SAV1: variants seen among roughly 807,000 people sequenced by gnomAD.
The protein encoded by SAV1 is protein salvador homolog 1.
In SAV1, 23 loss-of-function variants were observed where a neutral mutation model predicts 47.3. That is an observed-to-expected ratio of 0.49 (90% confidence interval 0.35 to 0.69). The LOEUF (loss-of-function observed/expected upper bound fraction) is 0.69, where lower values mean the gene tolerates loss of function less well. Among genes scored for constraint, SAV1 ranks in the 30% least tolerant of loss-of-function variants. The pLI is 0.01. For synonymous variants in SAV1, 155 were observed against 159.2 expected, an observed-to-expected ratio of 0.97 and a Z score of 0.20; for missense variants, 448 against 457.4, an observed-to-expected ratio of 0.98 and a Z score of 0.19.
chr14:50,644,787 G>A lies in SAV1; in HGVS notation c.763C>T (p.His255Tyr), dbSNP rs2039707130. The A allele has an allele frequency of 6.2e-7, 1 of 1,614,138 alleles. No homozygotes were observed. The highest frequency in any genetic ancestry group is 8.5e-7 in the Non-Finnish European group (1 of 1,179,996). ...CTGTATTGGGCCTTCTTATTTGTGT[G>A]ATCTACATAATAGGTTCCAAATTCG... ...SSEFGTYYVD[H>Y]TNKKAQYRHP... The change falls in exon 3 of 5, where the codon CAC becomes TAC. Residue 255 changes from histidine (H) to tyrosine (Y), a missense_variant. Physicochemically the swap from His to Tyr is moderately conservative, Grantham distance 83 (BLOSUM62 2). Coordinates refer to ENST00000324679, the MANE Select transcript of SAV1 (RefSeq NM_021818.4).
intron 2 of SAV1, among the ~76,000 whole-genome samples, chr14:50,655,659 T>G (rs2039806113): frequency 6.6e-6 from 1 of 151,744 alleles, no homozygotes; most frequent in Non-Finnish European, 1.5e-5. Flanking sequence ...CTCCTGACCT[T>G]AGGTGATCCA....
chr14:50,641,220 G>A (rs988992252), intron 3 of SAV1, among the ~76,000 whole-genome samples: 7 of 152,178 alleles, frequency 4.6e-5, no homozygotes, highest in South Asian at 2.1e-4. Context: ...AAGAAAGGAT[G>A]TTTCCTTCCT....
At chr14:50,660,965 T>TA (rs1386438232) in intron 2 of SAV1, among the ~76,000 whole-genome samples, 11 of 152,266 alleles carry the variant, frequency 7.2e-5, no homozygotes, top group Admixed American at 7.2e-4. Context: ...TTCCTTTAGA[T>TA]AGATACCCAG....
intron 2 of SAV1, among the ~76,000 whole-genome samples, chr14:50,654,685 C>T (rs754511493): frequency 1.3e-5 from 2 of 152,124 alleles, no homozygotes; most frequent in Non-Finnish European, 2.9e-5. Context: ...CACAATAGAG[C>T]AAAGCACAAT....
chr14:50,635,434 G>T, intron 4 of SAV1, 50 bp from the exon 5 acceptor site: 5 of 1,387,866 alleles, frequency 3.6e-6, no homozygotes, highest in Non-Finnish European at 5.1e-6. Context: ...ACATAAACAT[G>T]TATTTCTAGC....
chr14:50,644,633 CT>C (rs2039705460), intron 3 of SAV1, 110 bp downstream of exon 3: 2 of 1,010,518 alleles, frequency 2.0e-6, no homozygotes, highest in Admixed American at 2.6e-5. Flanking sequence ...AAATATAAGG[CT>C]TTCAAATCTC....
At chr14:50,655,675 C>T (rs1474035265) in intron 2 of SAV1, among the ~76,000 whole-genome samples, 1 of 151,584 alleles carries the variant, frequency 6.6e-6, no homozygotes, top group Non-Finnish European at 1.5e-5. Flanking sequence ...ATCCATCTGT[C>T]TTGGCCTCCC....
intron 2 of SAV1, among the ~76,000 whole-genome samples, chr14:50,663,422 A>C (rs192662091): frequency 5.3e-5 from 8 of 152,358 alleles, no homozygotes; most frequent in Admixed American, 2.0e-4. Flanking sequence ...GCATATCAGA[A>C]ATAACCAAAA....
At chr14:50,656,953 A>T (rs959731221) in intron 2 of SAV1, among the ~76,000 whole-genome samples, 3 of 152,098 alleles carry the variant, frequency 2.0e-5, no homozygotes, top group Non-Finnish European at 4.4e-5. Context: ...GTATGAGTTC[A>T]GCCAGAAAGC....
chr14:50,641,763 G>A (rs1324819704), intron 3 of SAV1, among the ~76,000 whole-genome samples: 1 of 152,136 alleles, frequency 6.6e-6, no homozygotes, highest in Non-Finnish European at 1.5e-5. Context: ...ACTGCTGGTG[G>A]GAACATAAAT....
rs2039623066 is a variant in SAV1, at chr14:50,635,094, CATTT to C, written c.*85_*88del. On this transcript the variant is annotated 3_prime_UTR_variant, in exon 5 of 5. Coordinates refer to ENST00000324679, the MANE Select transcript of SAV1 (RefSeq NM_021818.4). ...TTTATAATTTCCACAAAGGAAGCAGCATTTATTAACCAGAGTACTTGTTTGCAAT... is the reference window on the plus strand; with the variant it reads ...TTTATAATTTCCACAAAGGAAGCAGCATTAACCAGAGTACTTGTTTGCAAT... 1.2e-6 allele frequency: 1 copy of C among 834,154 alleles called. No homozygotes were observed. Among genetic ancestry groups the C allele is most frequent in the Non-Finnish European group, 1.9e-6 (1 of 521,526 alleles). 51.7% of individuals were successfully genotyped at this position (834,154 alleles called of 1,614,324 possible).
intron 2 of SAV1, among the ~76,000 whole-genome samples, chr14:50,657,888 C>T (rs1595649391): frequency 6.6e-6 from 1 of 152,254 alleles, no homozygotes; most frequent in South Asian, 2.1e-4. Flanking sequence ...TAATCTCATA[C>T]AACCAGGCAG....
chr14:50,665,114 G>A (rs1206919467), intron 2 of SAV1, 65 bp downstream of exon 2: 7 of 1,463,176 alleles, frequency 4.8e-6, no homozygotes, highest in Admixed American at 2.4e-5. Context: ...ATCTAGAAAA[G>A]AACATCTTTT....
intron 1 of SAV1, among the ~76,000 whole-genome samples, chr14:50,667,214 A>C (rs1222632857): frequency 7.0e-6 from 1 of 143,532 alleles, no homozygotes; most frequent in Non-Finnish European, 1.5e-5. Flanking sequence ...ATTAAAAAAA[A>C]AAACTTTTCG....
chr14:50,642,620 C>A (rs2039690018), intron 3 of SAV1, among the ~76,000 whole-genome samples: 1 of 151,466 alleles, frequency 6.6e-6, no homozygotes, highest in African/African-American at 2.4e-5. Context: ...TACCCCTGAA[C>A]CTAAAATAAA....
intron 2 of SAV1, chr14:50,662,766 T>C (rs1363959447): frequency 6.6e-6 from 1 of 152,204 alleles, no homozygotes; most frequent in Non-Finnish European, 1.5e-5. Flanking sequence ...GTCTACAATA[T>C]AGGTGGGAAA....
At chr14:50,651,045 A>C (rs1022275068) in intron 2 of SAV1, among the ~76,000 whole-genome samples, 1 of 101,402 alleles carries the variant, frequency 9.9e-6, no homozygotes, top group Admixed American at 1.1e-4. Context: ...AGAAAGAAAG[A>C]AATGGATCTT....
chr14:50,643,412 G>A (rs1254030996), intron 3 of SAV1, among the ~76,000 whole-genome samples: 16 of 152,096 alleles, frequency 1.1e-4, no homozygotes, highest in Non-Finnish European at 2.1e-4. Flanking sequence ...GTGGTGGCAG[G>A]AGAGAGAAAG....
Position 50,635,191 on chromosome 14 carries a change from T to G in SAV1, c.1144A>C (p.Asn382His), listed in dbSNP as rs749410412. The G allele has an allele frequency of 1.2e-6, 2 of 1,610,812 alleles. No individual in the cohort carries two copies. Among genetic ancestry groups the G allele is most frequent in the East Asian group, 4.5e-5 (2 of 44,860 alleles). The part of the protein sequence containing the change: ...QQWYAQQHGK[N>H]F ...ATTTTTAAAAAATCAGCTCAAAAAT[T>G]TTTTCCATGTTGTTGGGCATACCAC... Residue 382 changes from asparagine (N) to histidine (H), a missense_variant, in exon 5 of 5, where the codon AAT (asparagine) becomes CAT (histidine). Physicochemically the swap from Asn to His is moderately conservative, Grantham distance 68. Coordinates refer to ENST00000324679, the MANE Select transcript of SAV1 (RefSeq NM_021818.4).
Sources: gnomAD v4.1 joint callset for allele counts (sites outside exome capture counted in the v4.1 genomes callset) on GRCh38, gnomAD v4.1.1 for gene constraint, MANE v1.5 for transcripts, NCBI Gene and HGNC (gene_info 2026-07-23, HGNC 2026-07-21) for gene names.